SLC24A2: variants seen among roughly 807,000 people sequenced by gnomAD.
The protein encoded by SLC24A2 is solute carrier family 24 member 2, also known as sodium/potassium/calcium exchanger 2.
A neutral mutation model predicts 62.0 loss-of-function variants in SLC24A2; 36 were observed. The observed-to-expected ratio is 0.58, with a 90% CI of 0.44 to 0.77. The LOEUF is 0.77. Among genes scored for constraint, SLC24A2 ranks in the 30% least tolerant of loss-of-function variants. The pLI is 0.00. For synonymous variants in SLC24A2, 358 were observed against 294.0 expected (o/e 1.22, Z -2.23); for missense variants, 846 against 817.9 (o/e 1.03, Z -0.42).
chr9:19,839,402 T>G, the SLC24A2 span, among the ~76,000 whole-genome samples: 1 of 152,198 alleles, frequency 6.6e-6, no homozygotes, highest in Non-Finnish European at 1.5e-5. Context: ...TTAGGTGTAA[T>G]GGCAAAGTGC....
At chr9:19,545,730 C>A (rs1181999251) in intron 8 of SLC24A2, among the ~76,000 whole-genome samples, 2 of 152,022 alleles carry the variant, frequency 1.3e-5, no homozygotes, top group Non-Finnish European at 2.9e-5. Flanking sequence ...GCTCCACCTC[C>A]TGGGTTCATG....
At chr9:20,014,664 G>A in the SLC24A2 span, among the ~76,000 whole-genome samples, 1 of 152,124 alleles carries the variant, frequency 6.6e-6, no homozygotes, top group Non-Finnish European at 1.5e-5. Flanking sequence ...TCACTTGTAT[G>A]TGGAATCTGA....
Position 19,650,822 on chromosome 9 carries a change from A to AGTGTGTGTGTGTGTGTGTGT in SLC24A2, c.931-28543_931-28524dup, listed in dbSNP as rs61576823. On this transcript the variant is annotated intron_variant, in intron 2 of 10. Transcript: ENST00000341998. ...ACAGGCATTGTAAACATCAGCTTCT[A>AGTGTGTGTGTGTGTGTGTGT]GTGTGTGTGTGTGTGTGTGTGTGTG... 2.2e-3 allele frequency among the ~76,000 whole-genome samples: 322 copies of AGTGTGTGTGTGTGTGTGTGT among 149,176 alleles called. 1 individual carries two copies. The highest frequency in any genetic ancestry group is 7.2e-3 in the African/African-American group (292 of 40,458).
chr9:19,678,864 AT>A (rs1248480803), intron 2 of SLC24A2, among the ~76,000 whole-genome samples: 6 of 152,356 alleles, frequency 3.9e-5, no homozygotes, highest in African/African-American at 1.4e-4. Flanking sequence ...GGATAAAAAA[AT>A]CAATTGTGTA....
chr9:19,786,536 T>G lies in SLC24A2; in HGVS notation c.331A>C (p.Asn111His). ...PPLSKEGESE[N>H]STDHAQGDYP... ...TCTCCTTGGGCGTGATCTGTACTATTCTCAGACTCGCCTTCCTTAGAAAGA... is the reference window on the plus strand; with the variant it reads ...TCTCCTTGGGCGTGATCTGTACTATGCTCAGACTCGCCTTCCTTAGAAAGA... The change falls in exon 2 of 11, where the codon AAT (asparagine) becomes CAT (histidine). Residue 111 changes from asparagine (N) to histidine (H), a missense_variant. Physicochemically the swap from Asn to His is moderately conservative, Grantham distance 68 (BLOSUM62 1). Transcript: ENST00000341998. The surrounding 1 kb of genome is among the most constrained non-coding windows in gnomAD (Gnocchi z 5.0). 1 of 1,614,238 alleles carries G rather than the reference T, an allele frequency of 6.2e-7. No individual in the cohort carries two copies. Among genetic ancestry groups the G allele is most frequent in the South Asian group, 1.1e-5 (1 of 91,092 alleles).
intron 5 of SLC24A2, among the ~76,000 whole-genome samples, chr9:19,591,491 T>C (rs1353478869): frequency 4.6e-5 from 7 of 152,240 alleles, no homozygotes; most frequent in Non-Finnish European, 8.8e-5. Context: ...CCAAATTGCC[T>C]TGAAACTAGG....
chr9:20,001,149 G>A, the SLC24A2 span, among the ~76,000 whole-genome samples: 1 of 152,214 alleles, frequency 6.6e-6, no homozygotes, highest in Non-Finnish European at 1.5e-5. Flanking sequence ...TCAGCACTTC[G>A]TTTCTGATGG....
chr9:20,163,987 T>C, the SLC24A2 span, among the ~76,000 whole-genome samples: 1 of 152,194 alleles, frequency 6.6e-6, no homozygotes, highest in Non-Finnish European at 1.5e-5. Context: ...TAATTCAAGA[T>C]GGATTAAAGA....
the SLC24A2 span, among the ~76,000 whole-genome samples, chr9:19,820,631 A>C: frequency 6.6e-6 from 1 of 151,962 alleles, no homozygotes; most frequent in African/African-American, 2.4e-5. Context: ...TACCAGGGTG[A>C]TACATCTGAC....
At chr9:19,952,220 C>T in the SLC24A2 span, among the ~76,000 whole-genome samples, 2 of 151,974 alleles carry the variant, frequency 1.3e-5, no homozygotes, top group African/African-American at 4.8e-5. Context: ...CTTTAGATTC[C>T]TTAAGCATTC....
the SLC24A2 span, among the ~76,000 whole-genome samples, chr9:19,852,175 T>C: frequency 7.4e-4 from 113 of 152,292 alleles, no homozygotes; most frequent in African/African-American, 2.6e-3. Context: ...TTTAATGGTG[T>C]TTTCTTTTTC....
chr9:20,025,656 AG>A, the SLC24A2 span, among the ~76,000 whole-genome samples: 1 of 152,158 alleles, frequency 6.6e-6, no homozygotes, highest in African/African-American at 2.4e-5. Flanking sequence ...GTTCTTAAAA[AG>A]GTTCTGCTAT....
At chr9:20,118,173 G>A in the SLC24A2 span, among the ~76,000 whole-genome samples, 1 of 136,304 alleles carries the variant, frequency 7.3e-6, no homozygotes, top group African/African-American at 2.8e-5. Flanking sequence ...GTGTAGAGCT[G>A]GTGAGAATCG....
At chr9:20,060,322 C>T in the SLC24A2 span, among the ~76,000 whole-genome samples, 3 of 152,032 alleles carry the variant, frequency 2.0e-5, no homozygotes, top group Non-Finnish European at 4.4e-5. Flanking sequence ...AGCTTTATTC[C>T]TCATACCAAA....
intron 2 of SLC24A2, among the ~76,000 whole-genome samples, chr9:19,648,750 T>C (rs920537788): frequency 1.3e-4 from 19 of 151,742 alleles, no homozygotes; most frequent in African/African-American, 4.4e-4. Flanking sequence ...GAGGTTAGGG[T>C]TGGTTATTGG....
At chr9:19,685,666 G>A (rs1171073001) in intron 2 of SLC24A2, among the ~76,000 whole-genome samples, 1 of 151,938 alleles carries the variant, frequency 6.6e-6, no homozygotes, top group African/African-American at 2.4e-5. Context: ...AACAAGCAAT[G>A]GGGGAAAAGA....
chr9:20,101,305 G>A, the SLC24A2 span, among the ~76,000 whole-genome samples: 2 of 152,180 alleles, frequency 1.3e-5, no homozygotes, highest in African/African-American at 4.8e-5. Context: ...CTGAGAATTG[G>A]ACTTACTATT....
chr9:20,018,896 T>A, the SLC24A2 span, among the ~76,000 whole-genome samples: 25 of 151,942 alleles, frequency 1.6e-4, no homozygotes, highest in Non-Finnish European at 3.1e-4. Flanking sequence ...AAACCCTGTG[T>A]CTACAAAACA....
In SLC24A2 at chr9:19,545,796, G is replaced by A. The variant is rs1451125422; in HGVS notation, c.1479+4341C>T. 8.6e-5 allele frequency among the ~76,000 whole-genome samples: 13 copies of A among 152,004 alleles called. No homozygotes were observed. The South Asian group carries it at 1.5e-3, about 17-fold the overall frequency. On this transcript the variant is annotated intron_variant, in intron 8 of 10. Coordinates refer to ENST00000341998, the MANE Select transcript of SLC24A2 (RefSeq NM_020344.4). The stretch of plus-strand genomic sequence containing the variant: ...TGGGACTACAGGCACCCACCACCAC[G>A]CCTGCCTAATTTTTTGTGTTTTTAC...
Sources: allele counts gnomAD v4.1 joint callset (sites outside exome capture counted in the v4.1 genomes callset), GRCh38; gene constraint gnomAD v4.1.1; non-coding constraint Gnocchi (gnomAD v3.1); transcripts MANE v1.5; gene names NCBI Gene and HGNC (gene_info 2026-07-23, HGNC 2026-07-21).